PPTC7: variants seen among roughly 807,000 people sequenced by gnomAD.
PPTC7 encodes protein phosphatase targeting COQ7.
Under a neutral mutation model 30.8 loss-of-function variants are expected in PPTC7, and 6 were observed. The observed-to-expected ratio is 0.19, with a 90% CI of 0.11 to 0.38. The LOEUF (loss-of-function observed/expected upper bound fraction) is 0.38. Ranked by LOEUF, PPTC7 falls within the 10% of genes least tolerant of loss-of-function variation. The pLI is 1.00. For synonymous variants in PPTC7, 163 were observed against 168.1 expected (o/e 0.97, Z 0.23); for missense variants, 218 against 404.8 (o/e 0.54, Z 3.96).
chr12:110,582,717 T>C (rs1179859962), intron 1 of PPTC7, 92 bp downstream of exon 1: 3 of 1,150,210 alleles, frequency 2.6e-6, no homozygotes, highest in Non-Finnish European at 3.6e-6. Context: ...CTGGCTCCTT[T>C]CGCCGCCGGG....
intron 2 of PPTC7, among the ~76,000 whole-genome samples, chr12:110,547,347 T>C (rs1036066763): frequency 6.6e-6 from 1 of 152,180 alleles, no homozygotes; most frequent in African/African-American, 2.4e-5. Flanking sequence ...GGCAAACTAC[T>C]TAACCTCTCT....
At chr12:110,571,056 T>C (rs2064531151) in intron 1 of PPTC7, among the ~76,000 whole-genome samples, 1 of 152,238 alleles carries the variant, frequency 6.6e-6, no homozygotes, top group Non-Finnish European at 1.5e-5. Context: ...CGCTCGAGCG[T>C]GGTCATTGAG....
intron 1 of PPTC7, among the ~76,000 whole-genome samples, chr12:110,574,436 A>G (rs1384769980): frequency 6.7e-6 from 1 of 149,614 alleles, no homozygotes; most frequent in Non-Finnish European, 1.5e-5. Context: ...ACTGGCTTAG[A>G]AAAAAAAAAG....
chr12:110,577,471 G>A (rs1311460229), intron 1 of PPTC7, among the ~76,000 whole-genome samples: 1 of 152,088 alleles, frequency 6.6e-6, no homozygotes, highest in African/African-American at 2.4e-5. Context: ...CTCACTTTCA[G>A]AATAGAGGTT....
At position 110,535,718 on chromosome 12, in the gene PPTC7, T is replaced by C. The variant is rs531437838; in HGVS notation, c.*1319A>G. ...TATATATTTTTTTCTACCACCAAGT[T>C]AATGAAGGAAAAAAACTGACCCAAA... On this transcript the variant is annotated 3_prime_UTR_variant, in exon 6 of 6. Transcript: ENST00000354300. 8.5e-5 allele frequency: 13 copies of C among 152,670 alleles called. No individual in the cohort carries two copies. Among genetic ancestry groups the C allele is most frequent in the Non-Finnish European group, 1.8e-4 (12 of 68,012 alleles). The allele number at this position is 152,670 out of a possible 1,614,324, so 9.5% of individuals were successfully genotyped here. A position where few individuals can be genotyped will look rare whatever the true frequency, so the allele number is the denominator to read the frequency against.
chr12:110,580,523 A>G (rs1364712503), intron 1 of PPTC7, among the ~76,000 whole-genome samples: 2 of 151,898 alleles, frequency 1.3e-5, no homozygotes, highest in African/African-American at 2.4e-5. Flanking sequence ...ATTTTTTAGT[A>G]GAGACGGGGT....
chr12:110,564,206 G>T (rs978584542), intron 1 of PPTC7, among the ~76,000 whole-genome samples: 3 of 152,146 alleles, frequency 2.0e-5, no homozygotes, highest in Non-Finnish European at 2.9e-5. Context: ...CTGGACAGGA[G>T]GAGGCAACAA....
intron 1 of PPTC7, among the ~76,000 whole-genome samples, chr12:110,565,288 G>A (rs1236512560): frequency 6.7e-6 from 1 of 149,718 alleles, no homozygotes; most frequent in East Asian, 2.0e-4. Context: ...ACGGAGTCTC[G>A]CTCTGTCGCC....
chr12:110,536,881 C>T lies in PPTC7; in HGVS notation c.*156G>A, dbSNP rs757765214. 1.6e-6 allele frequency: 1 copy of T among 636,436 alleles called. No individual in the cohort carries two copies. The highest frequency in any genetic ancestry group is 2.8e-6 in the Non-Finnish European group (1 of 353,330). 39.4% of individuals were successfully genotyped at this position (636,436 alleles called of 1,614,324 possible). A position where few individuals can be genotyped will look rare whatever the true frequency, so the allele number is the denominator to read the frequency against. ...AGTGAATGATAGTAGTGGTTCTCAA[C>T]AAAGATCTCAACGAGTCTCAAGAAG... is the stretch of plus-strand genomic sequence containing the variant. On this transcript the variant is annotated 3_prime_UTR_variant, in exon 6 of 6. Transcript: ENST00000354300.
intron 1 of PPTC7, among the ~76,000 whole-genome samples, chr12:110,561,270 T>G (rs2064435842): frequency 6.6e-6 from 1 of 152,222 alleles, no homozygotes; most frequent in Non-Finnish European, 1.5e-5. Context: ...CTCAATTTCC[T>G]ATCCAATGGA....
intron 1 of PPTC7, among the ~76,000 whole-genome samples, chr12:110,572,842 G>C (rs182882579): frequency 1.3e-5 from 2 of 152,040 alleles, no homozygotes; most frequent in Non-Finnish European, 2.9e-5. Context: ...AACCTTTCTG[G>C]AGGACCTATC....
intron 3 of PPTC7, 68 bp downstream of exon 3, chr12:110,545,812 G>C (rs929474314): frequency 7.0e-7 from 1 of 1,419,340 alleles, no homozygotes; most frequent in East Asian, 2.3e-5. Flanking sequence ...CTGCACTCAA[G>C]GGGGACAGGA....
chr12:110,566,225 GT>G (rs1327182173), intron 1 of PPTC7, among the ~76,000 whole-genome samples: 1 of 152,140 alleles, frequency 6.6e-6, no homozygotes, highest in African/African-American at 2.4e-5. Context: ...TTAAGTTTTT[GT>G]TTTAACTAAT....
chr12:110,557,451 T>A (rs188853612), intron 1 of PPTC7, among the ~76,000 whole-genome samples: 2,260 of 151,968 alleles, frequency 0.015, 64 homozygotes, highest in African/African-American at 0.053. Context: ...CTTTTTTTTT[T>A]AAGTTTTTGT....
In PPTC7 at chr12:110,535,458, C is replaced by T. The variant is rs1380577982; in HGVS notation, c.*1579G>A. On this transcript the variant is annotated 3_prime_UTR_variant, in exon 6 of 6. Coordinates refer to ENST00000354300, the MANE Select transcript of PPTC7 (RefSeq NM_139283.2). ...ATGTTAAACAATTTTAAATAAAAGC[C>T]TGACAGTTACTCAAATATACAGTAC... The T allele has an allele frequency of 6.6e-6, 1 of 152,470 alleles. No individual in the cohort carries two copies. Among genetic ancestry groups the T allele is most frequent in the Non-Finnish European group, 1.5e-5 (1 of 67,996 alleles). 9.4% of individuals were successfully genotyped at this position (152,470 alleles called of 1,614,324 possible). A position where few individuals can be genotyped will look rare whatever the true frequency, so the allele number is the denominator to read the frequency against.
In PPTC7 at chr12:110,583,042, G is replaced by GCCC; in HGVS notation, c.-14_-12dup. ...GAGGACCGAGAACATCGCCGCCGCC[G>GCCC]CCCCCCCGAGGAGGCGGGGGGCCGG... On this transcript the variant is annotated 5_prime_UTR_variant, in exon 1 of 6. Coordinates refer to ENST00000354300, the MANE Select transcript of PPTC7 (RefSeq NM_139283.2). The GCCC allele has an allele frequency of 1.4e-6, 2 of 1,387,086 alleles. No individual in the cohort carries two copies. Among genetic ancestry groups the GCCC allele is most frequent in the Non-Finnish European group, 1.9e-6 (2 of 1,080,840 alleles). 85.9% of individuals were successfully genotyped at this position (1,387,086 alleles called of 1,614,324 possible).
intron 4 of PPTC7, among the ~76,000 whole-genome samples, chr12:110,538,965 T>TAG (rs1170501125): frequency 6.6e-6 from 1 of 152,212 alleles, no homozygotes; most frequent in Non-Finnish European, 1.5e-5. Flanking sequence ...TTCCCTGTAT[T>TAG]TATCTATTTT....
rs555122216 is a variant in PPTC7 at position 110,558,204 on chromosome 12, G to T, written c.224-6236C>A. Among the ~76,000 whole-genome samples, 8 of 152,328 alleles carry T rather than the reference G, an allele frequency of 5.3e-5. 1 individual carries two copies. In the South Asian group the frequency reaches 1.4e-3, roughly 28 times the overall value. ...CTTCAGGTGCCAGCAGGGCATCTTT[G>T]TGGAAGTGTTGTGTATAAAGTGAGG... is the stretch of plus-strand genomic sequence containing the variant. On this transcript the variant is annotated intron_variant, in intron 1 of 5. Coordinates refer to ENST00000354300, the MANE Select transcript of PPTC7 (RefSeq NM_139283.2).
chr12:110,544,017 G>A (rs1320830944), intron 3 of PPTC7, among the ~76,000 whole-genome samples: 1 of 152,186 alleles, frequency 6.6e-6, no homozygotes, highest in Non-Finnish European at 1.5e-5. Context: ...CTCTACGGAG[G>A]CCTTGGGGTT....
Sources: allele counts gnomAD v4.1 joint callset (sites outside exome capture counted in the v4.1 genomes callset), GRCh38; gene constraint gnomAD v4.1.1; transcripts MANE v1.5; gene names NCBI Gene and HGNC (gene_info 2026-07-23, HGNC 2026-07-21).